The following SGCZ variants were observed in gnomAD, a reference collection of about 807,000 sequenced individuals.
SGCZ encodes sarcoglycan zeta, also known as zeta-sarcoglycan.
In SGCZ, 40 loss-of-function variants were observed where a neutral mutation model predicts 41.3. The ratio of observed to expected loss-of-function variants is 0.97; its 90% CI spans 0.75 to 1.26. The LOEUF (loss-of-function observed/expected upper bound fraction) is 1.26, where lower values mean the gene tolerates loss of function less well. SGCZ is among the 50% of genes most tolerant of loss of function. The probability of loss-of-function intolerance (pLI) is 0.00; values close to 1 mark genes in which losing one functional copy is unlikely to be tolerated. For missense variants in SGCZ, 552 were observed against 369.8 expected, an observed-to-expected ratio of 1.49 and a Z score of -4.04; for synonymous variants, 206 against 137.5, an observed-to-expected ratio of 1.50 and a Z score of -3.49.
chr8:14,113,838 T>C (rs1230694354), intron 5 of SGCZ, among the ~76,000 whole-genome samples: 1 of 152,066 alleles, frequency 6.6e-6, no homozygotes, highest in Non-Finnish European at 1.5e-5. Flanking sequence ...AGCAGTTGTG[T>C]GGATTTTACA....
chr8:14,603,566 A>G lies in SGCZ; in HGVS notation c.40-48640T>C, dbSNP rs569555995. ...TATAAATAGTGATATTTTAAACAAG[A>G]TCATGATAAAGGTTTTAGGGTTTTT... On this transcript the variant is annotated intron_variant, in intron 1 of 7. Transcript: ENST00000382080. 4.6e-5 allele frequency among the ~76,000 whole-genome samples: 7 copies of G among 152,248 alleles called. No homozygotes were observed. The South Asian group carries it at 1.0e-3, about 23-fold the overall frequency.
At chr8:14,477,038 A>G (rs1263782237) in intron 2 of SGCZ, among the ~76,000 whole-genome samples, 2 of 152,164 alleles carry the variant, frequency 1.3e-5, no homozygotes, top group Non-Finnish European at 2.9e-5. Flanking sequence ...CTGGTTGCAA[A>G]TATTTTTCAC....
chr8:14,348,399 C>G (rs1290560903), intron 2 of SGCZ, among the ~76,000 whole-genome samples: 1 of 152,124 alleles, frequency 6.6e-6, no homozygotes, highest in African/African-American at 2.4e-5. Context: ...CAGTGAGCAA[C>G]TGAACCTGAG....
At chr8:14,569,577 CT>C (rs1804487025) in intron 1 of SGCZ, among the ~76,000 whole-genome samples, 1 of 152,142 alleles carries the variant, frequency 6.6e-6, no homozygotes, top group Admixed American at 6.6e-5. Context: ...ACAAAAATCC[CT>C]GTCATCATGG....
intron 3 of SGCZ, among the ~76,000 whole-genome samples, chr8:14,256,479 T>A (rs966904073): frequency 1.3e-5 from 2 of 151,870 alleles, no homozygotes; most frequent in Non-Finnish European, 2.9e-5. Flanking sequence ...ATAACTTGCT[T>A]CATGCTTAAT....
intron 4 of SGCZ, among the ~76,000 whole-genome samples, chr8:14,212,990 T>A (rs1438850681): frequency 6.6e-6 from 1 of 152,034 alleles, no homozygotes. Context: ...TCAATGAGCA[T>A]CAAGACAGAT....
chr8:14,513,078 GAGTA>G (rs1362895585), intron 2 of SGCZ, among the ~76,000 whole-genome samples: 3 of 152,090 alleles, frequency 2.0e-5, no homozygotes, highest in African/African-American at 7.2e-5. Flanking sequence ...TCACAGTGAA[GAGTA>G]ACACACAGGT....
chr8:14,862,680 T>C (rs1437290045), intron 1 of SGCZ, among the ~76,000 whole-genome samples: 1 of 150,544 alleles, frequency 6.6e-6, no homozygotes, highest in Non-Finnish European at 1.5e-5. Context: ...ATAAAATGAC[T>C]GCTGCAGAAA....
rs1801904440 is a variant in SGCZ at position 14,493,422 on chromosome 8, A to C, written c.234+61310T>G. ...TCATTGTGTTGCCAGGCTGGAGTAC[A>C]GCGGCATGATCTCGGCTCACAGCAA... is the stretch of plus-strand genomic sequence containing the variant. On this transcript the variant is annotated intron_variant, in intron 2 of 7. Transcript: ENST00000382080. 3.8e-5 allele frequency among the ~76,000 whole-genome samples: 4 copies of C among 106,130 alleles called. No homozygotes were observed. The Admixed American group carries it at 5.3e-4, about 14-fold the overall frequency. The allele number at this position is 106,130 out of a possible 152,430, so 69.6% of individuals were successfully genotyped here. A position where few individuals can be genotyped will look rare whatever the true frequency, so the allele number is the denominator to read the frequency against.
intron 6 of SGCZ, among the ~76,000 whole-genome samples, 190 bp downstream of exon 6, chr8:14,107,973 A>G (rs114075622): frequency 0.011 from 1,658 of 151,806 alleles, 32 homozygotes; most frequent in African/African-American, 0.037. Flanking sequence ...AGTTCTTCTC[A>G]CTTACTGTAT....
At chr8:14,283,940 G>GCTTATTGGATATTTC (rs1800533924) in intron 3 of SGCZ, among the ~76,000 whole-genome samples, 1 of 152,118 alleles carries the variant, frequency 6.6e-6, no homozygotes, top group Non-Finnish European at 1.5e-5. Context: ...TTATTTTGTT[G>GCTTATTGGATATTTC]CTTATTGGAT....
At chr8:14,520,913 C>T (rs575970261) in intron 2 of SGCZ, among the ~76,000 whole-genome samples, 1 of 152,150 alleles carries the variant, frequency 6.6e-6, no homozygotes, top group Admixed American at 6.6e-5. Context: ...TTTGCATTTG[C>T]TATAAACTTA....
At chr8:14,880,136 T>C (rs1164313263) in intron 1 of SGCZ, among the ~76,000 whole-genome samples, 2 of 152,140 alleles carry the variant, frequency 1.3e-5, no homozygotes, top group African/African-American at 4.8e-5. Context: ...CCACTGCACC[T>C]GGCCCAAAAA....
intron 2 of SGCZ, among the ~76,000 whole-genome samples, chr8:14,447,414 A>C (rs1378516230): frequency 6.6e-6 from 1 of 152,188 alleles, no homozygotes; most frequent in Non-Finnish European, 1.5e-5. Flanking sequence ...CATCTAATGG[A>C]ATCCCAGGCA....
intron 5 of SGCZ, among the ~76,000 whole-genome samples, chr8:14,124,847 G>C (rs1392924295): frequency 6.6e-6 from 1 of 151,990 alleles, no homozygotes; most frequent in African/African-American, 2.4e-5. Flanking sequence ...TTTCTATTAA[G>C]AACCTAAAGG....
At chr8:15,015,867 G>C (rs963070420) in intron 1 of SGCZ, among the ~76,000 whole-genome samples, 11 of 151,082 alleles carry the variant, frequency 7.3e-5, no homozygotes, top group African/African-American at 2.7e-4. Context: ...CTTATTGATT[G>C]CCTTTTTCAT....
chr8:14,212,249 T>C (rs945784767), intron 4 of SGCZ, among the ~76,000 whole-genome samples: 1 of 152,020 alleles, frequency 6.6e-6, no homozygotes, highest in Admixed American at 6.6e-5. Context: ...GCAGAGATTA[T>C]GTGGAAAGTC....
At position 14,559,211 on chromosome 8, in the gene SGCZ, G is replaced by C. The variant is rs1318779849; in HGVS notation, c.40-4285C>G. Among the ~76,000 whole-genome samples, 8 of 151,992 alleles carry C rather than the reference G, an allele frequency of 5.3e-5. No homozygotes were observed. The East Asian group carries it at 1.5e-3, about 29-fold the overall frequency. On this transcript the variant is annotated intron_variant, in intron 1 of 7. Coordinates refer to ENST00000382080, the MANE Select transcript of SGCZ (RefSeq NM_139167.4). ...AACTGTCACTGTTTGCTGATGATAT[G>C]ATTGTATACCTAGAAAACCCTAAAG...
At chr8:14,609,079 A>G (rs1407938664) in intron 1 of SGCZ, among the ~76,000 whole-genome samples, 1 of 152,184 alleles carries the variant, frequency 6.6e-6, no homozygotes, top group Non-Finnish European at 1.5e-5. Context: ...TTTATGATGA[A>G]CTATTTTTAA....
Sources: gnomAD v4.1 joint callset for allele counts (sites outside exome capture counted in the v4.1 genomes callset) on GRCh38, gnomAD v4.1.1 for gene constraint, MANE v1.5 for transcripts, NCBI Gene and HGNC (gene_info 2026-07-23, HGNC 2026-07-21) for gene names.